Variants in EXOC2 observed in about 807,000 individuals in gnomAD.
The protein encoded by EXOC2 is exocyst complex component 2, also known as SEC5-like 1.
A neutral mutation model predicts 131.8 loss-of-function variants in EXOC2; 70 were observed. That is an observed-to-expected ratio of 0.53 (90% CI 0.44 to 0.65). The LOEUF (loss-of-function observed/expected upper bound fraction) is 0.65, where lower values mean the gene tolerates loss of function less well. Among genes scored for constraint, EXOC2 ranks in the 30% least tolerant of loss-of-function variants. The pLI is 0.00. For synonymous variants in EXOC2, 411 were observed against 398.4 expected (o/e 1.03, Z -0.38); for missense variants, 923 against 1,108.6 (o/e 0.83, Z 2.38).
intron 27 of EXOC2, among the ~76,000 whole-genome samples, chr6:487,130 A>C (rs959783756): frequency 1.3e-5 from 2 of 152,162 alleles, no homozygotes; most frequent in African/African-American, 4.8e-5. Flanking sequence ...AACGCTGGCA[A>C]AGCCATACCG....
At chr6:534,369 A>G (rs1766300128) in intron 22 of EXOC2, among the ~76,000 whole-genome samples, 1 of 152,186 alleles carries the variant, frequency 6.6e-6, no homozygotes, top group South Asian at 2.1e-4. Flanking sequence ...GACAGCCCAC[A>G]TATCTAGGCA....
rs575022583 is a variant in EXOC2 at position 656,245 on chromosome 6, G to A, written c.-43-18384C>T. ...CCCTCCAAAAACTGCAGAAGCTTCC[G>A]ATTGTCCACCCGCACTTGCACCATG... is the stretch of plus-strand genomic sequence containing the variant. On this transcript the variant is annotated intron_variant, in intron 1 of 27. Coordinates refer to ENST00000230449, the MANE Select transcript of EXOC2 (RefSeq NM_018303.6). The A allele has an allele frequency of 3.1e-6, 5 of 1,614,190 alleles. No homozygotes were observed. In the South Asian group the frequency reaches 4.4e-5, roughly 14 times the overall value.
At chr6:682,404 G>A (rs879385479) in intron 1 of EXOC2, among the ~76,000 whole-genome samples, 2 of 151,976 alleles carry the variant, frequency 1.3e-5, no homozygotes, top group Non-Finnish European at 2.9e-5. Flanking sequence ...GTTTCTCTGT[G>A]TTAGCCAGGA....
chr6:554,045 C>CT (rs11399543), intron 20 of EXOC2, 125 bp from the exon 21 acceptor site: 348,769 of 531,712 alleles, frequency 0.66, 85,335 homozygotes, highest in African/African-American at 0.88. Flanking sequence ...AGTCACATAA[C>CT]TTTTTTTTTT....
At position 529,121 on chromosome 6, in the gene EXOC2, C is replaced by CA. The variant is rs879748452; in HGVS notation, c.2380+3347_2380+3348insT. ...CCCGGCATCGCCTGCCTTTTACCCC[C>CA]CCCCGCGCCCTGGTTACTGCTCACT... On this transcript the variant is annotated intron_variant, in intron 23 of 27. Coordinates refer to ENST00000230449, the MANE Select transcript of EXOC2 (RefSeq NM_018303.6). Among the ~76,000 whole-genome samples, 31 of 142,178 alleles carry CA rather than the reference C, an allele frequency of 2.2e-4. 1 individual carries two copies. Among genetic ancestry groups the CA allele is most frequent in the South Asian group, 8.3e-4 (2 of 2,424 alleles). 93.3% of individuals were successfully genotyped at this position (142,178 alleles called of 152,430 possible).
intron 23 of EXOC2, among the ~76,000 whole-genome samples, chr6:501,066 C>A (rs1029146814): frequency 2.4e-4 from 30 of 126,354 alleles, no homozygotes; most frequent in Non-Finnish European, 4.4e-4. Flanking sequence ...CTATATATAT[C>A]TATATATCTA....
chr6:585,124 C>A (rs768446203), intron 11 of EXOC2, among the ~76,000 whole-genome samples: 1 of 152,202 alleles, frequency 6.6e-6, no homozygotes, highest in Non-Finnish European at 1.5e-5. Flanking sequence ...CTGCTTTGAA[C>A]ATAGGGGAAG....
At chr6:516,056 C>T (rs539290217) in intron 23 of EXOC2, among the ~76,000 whole-genome samples, 42 of 152,262 alleles carry the variant, frequency 2.8e-4, no homozygotes, top group South Asian at 1.2e-3. Context: ...GAAAGCAGAA[C>T]GTTTTTCAGT....
At position 586,350 on chromosome 6, in the gene EXOC2, C is replaced by G. The variant is rs565157834; in HGVS notation, c.1192+6119G>C. ...GGGGCACTGCGGGCCTTCCCAGGGA[C>G]AGCCTTACATTTCCCAGGATCCCTC... is the stretch of plus-strand genomic sequence containing the variant. On this transcript the variant is annotated intron_variant, in intron 11 of 27. Coordinates refer to ENST00000230449, the MANE Select transcript of EXOC2 (RefSeq NM_018303.6). 5.3e-5 allele frequency among the ~76,000 whole-genome samples: 8 copies of G among 152,324 alleles called. No individual in the cohort carries two copies. In the South Asian group the frequency reaches 1.7e-3, roughly 32 times the overall value.
At chr6:605,689 G>C (rs191477872) in intron 7 of EXOC2, among the ~76,000 whole-genome samples, 1 of 152,098 alleles carries the variant, frequency 6.6e-6, no homozygotes, top group Admixed American at 6.5e-5. Context: ...GGTTTTTTGT[G>C]TCTCTATCTC....
In EXOC2 at chr6:506,248, C is replaced by T. The variant is rs1283769232; in HGVS notation, c.2381-6548G>A. 3.3e-5 allele frequency among the ~76,000 whole-genome samples: 5 copies of T among 152,122 alleles called. No homozygotes were observed. Among genetic ancestry groups the T allele is most frequent in the South Asian group, 2.1e-4 (1 of 4,818 alleles). ...GTCATTAGGTATTTGCTGAATGCTC[C>T]GCACGTGCTGGATATTAGGAAGATG... On this transcript the variant is annotated intron_variant, in intron 23 of 27. Coordinates refer to ENST00000230449, the MANE Select transcript of EXOC2 (RefSeq NM_018303.6). This position sits in a 1 kb window ranked among gnomAD's most constrained non-coding sequence, Gnocchi z 4.4.
intron 26 of EXOC2, among the ~76,000 whole-genome samples, chr6:490,184 A>T (rs1763344781): frequency 6.6e-6 from 1 of 152,204 alleles, no homozygotes; most frequent in Non-Finnish European, 1.5e-5. Context: ...GATTTGGCAC[A>T]TTTTCTCATT....
Position 617,823 on chromosome 6 carries a change from G to A in EXOC2, c.549C>T (p.Leu183=). The A allele has an allele frequency of 6.2e-7, 1 of 1,613,332 alleles. No individual in the cohort carries two copies. The highest frequency in any genetic ancestry group is 8.5e-7 in the Non-Finnish European group (1 of 1,179,652). The change falls in exon 6 of 28, where the codon CTC becomes CTT. Residue 183 remains leucine, a synonymous_variant. Coordinates refer to ENST00000230449, the MANE Select transcript of EXOC2 (RefSeq NM_018303.6). The stretch of plus-strand genomic sequence containing the variant: ...TCTTTAGGTTGGTGACTGCCATTTT[G>A]AGCTGCTCAAAACTGAAATGAAATA... ...ENHSNTSFEQ[L]KMAVTNLKRQ...
chr6:547,268 G>A (rs983061263), intron 22 of EXOC2, among the ~76,000 whole-genome samples: 2 of 152,216 alleles, frequency 1.3e-5, no homozygotes, highest in African/African-American at 4.8e-5. Flanking sequence ...ACAGGTGAAG[G>A]GAATGAAAAA....
intron 1 of EXOC2, among the ~76,000 whole-genome samples, chr6:654,298 G>A (rs919589564): frequency 2.0e-5 from 3 of 152,114 alleles, no homozygotes; most frequent in Non-Finnish European, 4.4e-5. Context: ...AATGGATCTT[G>A]GCAAAGTGAA....
At chr6:639,904 C>T (rs897315632) in intron 1 of EXOC2, among the ~76,000 whole-genome samples, 2 of 152,172 alleles carry the variant, frequency 1.3e-5, no homozygotes, top group Non-Finnish European at 2.9e-5. Context: ...CGGTGAGGTC[C>T]AGATGCTTAC....
At chr6:532,854 A>T (rs1766169515) in intron 22 of EXOC2, among the ~76,000 whole-genome samples, 1 of 152,334 alleles carries the variant, frequency 6.6e-6, no homozygotes, top group African/African-American at 2.4e-5. Context: ...ATACTGCTAT[A>T]AAGAACTGCC....
chr6:489,320 AGAG>A (rs1269165359), intron 26 of EXOC2, among the ~76,000 whole-genome samples: 2 of 152,238 alleles, frequency 1.3e-5, no homozygotes, highest in Non-Finnish European at 2.9e-5. Flanking sequence ...TGCTAGTGAT[AGAG>A]GAGAGCTTAA....
intron 23 of EXOC2, among the ~76,000 whole-genome samples, chr6:507,300 C>T (rs1764615218): frequency 1.9e-5 from 2 of 107,966 alleles, no homozygotes; most frequent in Admixed American, 1.9e-4. Context: ...TGACTACACA[C>T]ACACACACAC....
Sources: allele counts gnomAD v4.1 joint callset (sites outside exome capture counted in the v4.1 genomes callset), GRCh38; gene constraint gnomAD v4.1.1; non-coding constraint Gnocchi (gnomAD v3.1); transcripts MANE v1.5; gene names NCBI Gene and HGNC (gene_info 2026-07-23, HGNC 2026-07-21).